SORCS1: variants seen among roughly 807,000 people sequenced by gnomAD.
SORCS1 encodes the protein sortilin related VPS10 domain containing receptor 1.
Under a neutral mutation model 146.1 loss-of-function variants are expected in SORCS1, and 60 were observed. The ratio of observed to expected loss-of-function variants is 0.41; its 90% confidence interval spans 0.33 to 0.51. The LOEUF (loss-of-function observed/expected upper bound fraction) is 0.51, where lower values mean the gene tolerates loss of function less well. SORCS1 is among the 20% of genes least tolerant of loss of function. SORCS1 has a pLI of 0.21. For synonymous variants in SORCS1, 637 were observed against 584.0 expected, an observed-to-expected ratio of 1.09 and a Z score of -1.31; for missense variants, 1,352 against 1,487.6, an observed-to-expected ratio of 0.91 and a Z score of 1.50.
intron 2 of SORCS1, among the ~76,000 whole-genome samples, chr10:106,887,740 T>C (rs915170069): frequency 9.2e-5 from 14 of 152,362 alleles, no homozygotes; most frequent in Admixed American, 3.3e-4. Context: ...GGATCTAGTA[T>C]TGAAGACTTT....
At chr10:106,989,003 G>T (rs553978920) in intron 1 of SORCS1, among the ~76,000 whole-genome samples, 1 of 151,588 alleles carries the variant, frequency 6.6e-6, no homozygotes, top group African/African-American at 2.4e-5. Flanking sequence ...GCTCACACCC[G>T]TAATCCCAGC....
At chr10:106,849,677 T>C (rs36194283) in intron 2 of SORCS1, among the ~76,000 whole-genome samples, 41,281 of 150,452 alleles carry the variant, frequency 0.27, 6,807 homozygotes, top group Non-Finnish European at 0.37. Flanking sequence ...TTTTAGAGTT[T>C]CCAGTTTTTC....
At chr10:106,618,567 T>C (rs991891879) in intron 20 of SORCS1, among the ~76,000 whole-genome samples, 3 of 152,164 alleles carry the variant, frequency 2.0e-5, no homozygotes, top group African/African-American at 7.2e-5. Context: ...TATGTCTCTC[T>C]TTATGCATGA....
intron 5 of SORCS1, among the ~76,000 whole-genome samples, chr10:106,742,213 T>G (rs1414333232): frequency 6.6e-6 from 1 of 152,208 alleles, no homozygotes; most frequent in Non-Finnish European, 1.5e-5. Flanking sequence ...TGAGTATCCC[T>G]TATCTGAAGT....
intron 2 of SORCS1, among the ~76,000 whole-genome samples, chr10:106,951,115 C>T (rs17121800): frequency 0.023 from 3,431 of 152,156 alleles, 97 homozygotes; most frequent in South Asian, 0.11. Flanking sequence ...CATTTCCGGG[C>T]GGCTGCTTCA....
intron 24 of SORCS1, among the ~76,000 whole-genome samples, chr10:106,597,096 C>T (rs1845950282): frequency 6.6e-6 from 1 of 152,132 alleles, no homozygotes; most frequent in Non-Finnish European, 1.5e-5. Flanking sequence ...AAGTGATCCA[C>T]CCACCCCAGT....
At chr10:107,104,805 G>A (rs888106911) in intron 1 of SORCS1, among the ~76,000 whole-genome samples, 6 of 152,158 alleles carry the variant, frequency 3.9e-5, no homozygotes, top group Admixed American at 2.0e-4. Flanking sequence ...TCAGAGACAC[G>A]TGAGGTTCTA....
At chr10:107,179,208 C>T in the SORCS1 span, among the ~76,000 whole-genome samples, 440 of 152,154 alleles carry the variant, frequency 2.9e-3, no homozygotes, top group African/African-American at 9.7e-3. Flanking sequence ...ATTTCCCTGA[C>T]GATTAGTGAT....
intron 2 of SORCS1, among the ~76,000 whole-genome samples, chr10:106,949,245 T>C (rs1954542625): frequency 2.0e-5 from 3 of 152,204 alleles, no homozygotes; most frequent in Admixed American, 6.5e-5. Context: ...ATTATTATTT[T>C]TTCTTTTTAG....
At chr10:106,864,568 C>G (rs1030890850) in intron 2 of SORCS1, among the ~76,000 whole-genome samples, 1 of 152,174 alleles carries the variant, frequency 6.6e-6, no homozygotes, top group East Asian at 1.9e-4. Flanking sequence ...GGAGGTTAGA[C>G]CCTCATATAC....
At chr10:106,998,145 C>T (rs1957075339) in intron 1 of SORCS1, among the ~76,000 whole-genome samples, 1 of 152,246 alleles carries the variant, frequency 6.6e-6, no homozygotes, top group South Asian at 2.1e-4. Flanking sequence ...CATACATTCA[C>T]ATGTTTATAT....
Position 106,882,422 on chromosome 10 carries a change from C to G in SORCS1, c.627-52749G>C, listed in dbSNP as rs140852200. Among the ~76,000 whole-genome samples the G allele has an allele frequency of 1.1e-4, 16 of 152,250 alleles. No homozygotes were observed. The South Asian group carries it at 2.9e-3, about 28-fold the overall frequency. On this transcript the variant is annotated intron_variant, in intron 2 of 25. Coordinates refer to ENST00000263054, the MANE Select transcript of SORCS1 (RefSeq NM_052918.5). ...TGGCAAACTTTTTTCTGTAAAGGTT[C>G]GGGCACTACATATTCTTGGCTTTGT...
intron 2 of SORCS1, among the ~76,000 whole-genome samples, chr10:106,920,360 G>A (rs1952654170): frequency 1.3e-5 from 2 of 152,104 alleles, no homozygotes; most frequent in South Asian, 2.1e-4. Flanking sequence ...GCAGGCCCCC[G>A]GGCTTTCTAT....
At chr10:106,646,995 GTGTT>G (rs1377203072) in intron 18 of SORCS1, among the ~76,000 whole-genome samples, 59 of 81,606 alleles carry the variant, frequency 7.2e-4, no homozygotes, top group African/African-American at 7.5e-4. Flanking sequence ...ATATATATGT[GTGTT>G]TGTATGTGTA....
Position 106,976,333 on chromosome 10 carries a change from G to GTTTTTTTTTT in SORCS1, c.559-19763_559-19754dup, listed in dbSNP as rs1554901318. Among the ~76,000 whole-genome samples the GTTTTTTTTTT allele has an allele frequency of 2.1e-4, 24 of 113,796 alleles. 1 individual carries two copies. Among genetic ancestry groups the GTTTTTTTTTT allele is most frequent in the Middle Eastern group, 5.0e-3 (1 of 202 alleles). The allele number at this position is 113,796 out of a possible 152,430, so 74.7% of individuals were successfully genotyped here. ...ATCAACTCATCATCTAGGTTTTTTT[G>GTTTTTTTTTT]TTTTTTTTTTTTTTTTGAGACGGAG... On this transcript the variant is annotated intron_variant, in intron 1 of 25. Transcript: ENST00000263054.
intron 1 of SORCS1, among the ~76,000 whole-genome samples, chr10:106,972,400 AT>A (rs1564873162): frequency 6.7e-6 from 1 of 149,884 alleles, no homozygotes; most frequent in Non-Finnish European, 1.5e-5. Context: ...AAAAAAAAAA[AT>A]TAGAATTCCC....
chr10:107,103,868 G>A (rs1965119966), intron 1 of SORCS1, among the ~76,000 whole-genome samples: 1 of 152,110 alleles, frequency 6.6e-6, no homozygotes, highest in Non-Finnish European at 1.5e-5. Context: ...CCACTGCCGT[G>A]GGCTTCATTT....
At chr10:107,154,008 C>CTTTTTTTTTTTTTTTTTTTTTT (rs71025579) in intron 1 of SORCS1, among the ~76,000 whole-genome samples, 1 of 94,036 alleles carries the variant, frequency 1.1e-5, no homozygotes, top group Non-Finnish European at 2.1e-5. Flanking sequence ...CTTTTCTTTT[C>CTTTTTTTTTTTTTTTTTTTTTT]TTTTTTTTTT....
intron 1 of SORCS1, among the ~76,000 whole-genome samples, chr10:107,107,768 T>C (rs1379763273): frequency 1.3e-5 from 2 of 152,220 alleles, no homozygotes; most frequent in African/African-American, 4.8e-5. Flanking sequence ...GTGATCATGG[T>C]TCTGACTGCA....
Sources: allele counts gnomAD v4.1 joint callset (sites outside exome capture counted in the v4.1 genomes callset), GRCh38; gene constraint gnomAD v4.1.1; transcripts MANE v1.5; gene names NCBI Gene and HGNC (gene_info 2026-07-23, HGNC 2026-07-21).